Variants in ACER1 observed in about 807,000 individuals in gnomAD.
ACER1 encodes the protein CTB-180A7.3.
ACER1 carries 28 observed loss-of-function variants against 24.9 expected under a neutral mutation model. That is an observed-to-expected ratio of 1.13 (90% CI 0.83 to 1.54). The LOEUF is 1.54. Ranked by LOEUF, ACER1 falls within the 40% of genes most tolerant of loss-of-function variation. ACER1 has a pLI of 0.00. For missense variants in ACER1, 352 were observed against 349.3 expected (o/e 1.01, Z -0.06); for synonymous variants, 132 against 131.4 (o/e 1.00, Z -0.03).
At chr19:6,335,059 T>C (rs2091707463), upstream of ACER1, among the ~76,000 whole-genome samples, 1 of 146,852 alleles carries the variant, frequency 6.8e-6, no homozygotes, top group African/African-American at 2.5e-5. Context: ...TATATTAAAA[T>C]ATAAAATTAT....
chr19:6,317,991 C>A (rs1441611510), intron 1 of ACER1, among the ~76,000 whole-genome samples: 2 of 151,850 alleles, frequency 1.3e-5, no homozygotes, highest in African/African-American at 4.8e-5. Flanking sequence ...CTGAACAAAG[C>A]AGATCCACTC....
chr19:6,321,192 GT>G (rs1418656088), intron 1 of ACER1, among the ~76,000 whole-genome samples: 1 of 151,452 alleles, frequency 6.6e-6, no homozygotes, highest in East Asian at 1.9e-4. Flanking sequence ...CTGGAGTGCA[GT>G]GGCATGATCT....
chr19:6,317,254 G>A (rs191461549), intron 1 of ACER1, among the ~76,000 whole-genome samples: 170 of 152,204 alleles, frequency 1.1e-3, no homozygotes, highest in African/African-American at 3.8e-3. Flanking sequence ...GATTACAGGC[G>A]TGAGCCACTG....
the ACER1 span, among the ~76,000 whole-genome samples, chr19:6,354,145 G>A: frequency 6.6e-6 from 1 of 151,612 alleles, no homozygotes; most frequent in African/African-American, 2.4e-5. Flanking sequence ...TCACACCACT[G>A]CACCCCAGCC....
the ACER1 span, among the ~76,000 whole-genome samples, chr19:6,355,340 G>A: frequency 6.7e-6 from 1 of 148,180 alleles, no homozygotes; most frequent in African/African-American, 2.6e-5. Context: ...AAAGTGAGGA[G>A]CGTCTCTGCC....
chr19:6,312,366 C>T lies in ACER1; in HGVS notation c.208+19G>A. ...CCACTGCCTCCCGACTGTCACAGAC[C>T]TGAACCACACCTCCCTACCTATGAT... On this transcript the variant is annotated intron_variant, in intron 2 of 5. Transcript: ENST00000301452. 6.2e-7 allele frequency: 1 copy of T among 1,613,702 alleles called. No individual in the cohort carries two copies. Among genetic ancestry groups the T allele is most frequent in the Non-Finnish European group, 8.5e-7 (1 of 1,179,754 alleles).
Position 6,310,233 on chromosome 19 carries a change from G to A in ACER1, c.351-399C>T, listed in dbSNP as rs563580766. On this transcript the variant is annotated intron_variant, in intron 3 of 5. Transcript: ENST00000301452. ...CTCCCAAGTAGCTGGGACTACAGGC[G>A]CCCGCCACCACGCCCGGCTCATTTT... Among the ~76,000 whole-genome samples, 18 of 151,300 alleles carry A rather than the reference G, an allele frequency of 1.2e-4. No homozygotes were observed. The East Asian group carries it at 2.4e-3, about 20-fold the overall frequency.
intron 1 of ACER1, among the ~76,000 whole-genome samples, chr19:6,323,228 G>A (rs1341259228): frequency 6.6e-6 from 1 of 152,064 alleles, no homozygotes. Flanking sequence ...AGACCATCAT[G>A]GCTAACACAG....
the ACER1 span, among the ~76,000 whole-genome samples, chr19:6,348,162 G>C: frequency 3.1e-4 from 47 of 151,712 alleles, no homozygotes; most frequent in African/African-American, 1.1e-3. Context: ...ATTTCTGAGG[G>C]GTCGTGGATA....
chr19:6,314,683 A>G (rs1339910961), intron 1 of ACER1, among the ~76,000 whole-genome samples: 1 of 152,116 alleles, frequency 6.6e-6, no homozygotes, highest in Non-Finnish European at 1.5e-5. Flanking sequence ...GAATTTTCAA[A>G]GAACTAAAAT....
intron 1 of ACER1, among the ~76,000 whole-genome samples, chr19:6,331,469 C>T (rs2091686761): frequency 7.3e-6 from 1 of 136,098 alleles, no homozygotes; most frequent in African/African-American, 3.3e-5. Context: ...CTTCTGCTCA[C>T]TGAGCAAGGC....
chr19:6,317,316 T>A (rs1241310520), intron 1 of ACER1, among the ~76,000 whole-genome samples: 3 of 151,900 alleles, frequency 2.0e-5, no homozygotes, highest in Non-Finnish European at 4.4e-5. Flanking sequence ...CTAAGACAGG[T>A]GTGGAAAGAA....
chr19:6,351,900 C>G, the ACER1 span, among the ~76,000 whole-genome samples: 1 of 151,382 alleles, frequency 6.6e-6, no homozygotes, highest in Non-Finnish European at 1.5e-5. Context: ...ACTAAACATA[C>G]CAAAAATTAG....
chr19:6,354,651 G>A, the ACER1 span, among the ~76,000 whole-genome samples: 1 of 152,192 alleles, frequency 6.6e-6, no homozygotes, highest in Admixed American at 6.5e-5. Context: ...TGAGTGCAGT[G>A]GCTCACGCCT....
chr19:6,325,816 C>T (rs1454087412), intron 1 of ACER1, among the ~76,000 whole-genome samples: 4 of 151,190 alleles, frequency 2.6e-5, no homozygotes, highest in Non-Finnish European at 4.4e-5. Context: ...GCTATGATCA[C>T]ACCGCTGTAC....
intron 5 of ACER1, 89 bp from the exon 6 acceptor site, chr19:6,306,971 T>G: frequency 6.6e-7 from 1 of 1,517,228 alleles, no homozygotes; most frequent in South Asian, 1.3e-5. Context: ...CTCTTGACCA[T>G]CCATCCAGGG....
At chr19:6,325,879 T>C (rs2091658587) in intron 1 of ACER1, among the ~76,000 whole-genome samples, 1 of 151,106 alleles carries the variant, frequency 6.6e-6, no homozygotes, top group African/African-American at 2.4e-5. Context: ...CAAACAAAAT[T>C]CAAAGCCTTA....
At chr19:6,326,158 C>T (rs1386907847) in intron 1 of ACER1, among the ~76,000 whole-genome samples, 2 of 143,538 alleles carry the variant, frequency 1.4e-5, no homozygotes, top group East Asian at 4.2e-4. Flanking sequence ...CGGAGTCTCG[C>T]TCTGTAGCCC....
chr19:6,344,135 A>G, the ACER1 span, among the ~76,000 whole-genome samples: 1 of 152,102 alleles, frequency 6.6e-6, no homozygotes, highest in South Asian at 2.1e-4. Flanking sequence ...TGTCTCTACT[A>G]AAAATACAAA....
Sources: allele counts gnomAD v4.1 joint callset (sites outside exome capture counted in the v4.1 genomes callset), GRCh38; gene constraint gnomAD v4.1.1; transcripts MANE v1.5; gene names NCBI Gene and HGNC (gene_info 2026-07-23, HGNC 2026-07-21).